The following PPP2R2B variants were observed in gnomAD, a reference collection of about 807,000 sequenced individuals.
PPP2R2B encodes the protein serine/threonine-protein phosphatase 2A 55 kDa regulatory subunit B beta isoform.
Under a neutral mutation model 46.0 loss-of-function variants are expected in PPP2R2B, and 5 were observed. That is an observed-to-expected ratio of 0.11 (90% CI 0.06 to 0.23). PPP2R2B has a LOEUF of 0.23. Ranked by LOEUF, PPP2R2B falls within the 10% of genes least tolerant of loss-of-function variation. The probability of loss-of-function intolerance (pLI) is 1.00; values close to 1 mark genes in which losing one functional copy is unlikely to be tolerated. For synonymous variants in PPP2R2B, 215 were observed against 206.7 expected, an observed-to-expected ratio of 1.04 and a Z score of -0.34; for missense variants, 367 against 575.0, an observed-to-expected ratio of 0.64 and a Z score of 3.70.
chr5:147,039,130 C>G (rs1219172133), intron 1 of PPP2R2B, among the ~76,000 whole-genome samples: 1 of 152,114 alleles, frequency 6.6e-6, no homozygotes, highest in East Asian at 1.9e-4. Flanking sequence ...CATTGCTGAC[C>G]CTTTCCCATC....
At chr5:146,728,877 T>A (rs1752048292) in intron 2 of PPP2R2B, among the ~76,000 whole-genome samples, 1 of 152,194 alleles carries the variant, frequency 6.6e-6, no homozygotes, top group Non-Finnish European at 1.5e-5. Context: ...AACCTCTTTT[T>A]ATTTCCAGTC....
rs1170382835 is a variant in PPP2R2B at position 146,874,455 on chromosome 5, A to T, written c.70+3547T>A. 2.0e-5 allele frequency among the ~76,000 whole-genome samples: 3 copies of T among 152,254 alleles called. No individual in the cohort carries two copies. The East Asian group carries it at 5.8e-4, about 29-fold the overall frequency. On this transcript the variant is annotated intron_variant, in intron 2 of 9. Coordinates refer to ENST00000394411, the MANE Select transcript of PPP2R2B (RefSeq NM_181675.4). Reference sequence around the variant, plus strand: ...TTGCCAGAATATAACCAGGAAGTACATTAAGTAACAATAACAGCTATAATG... The same window carrying T: ...TTGCCAGAATATAACCAGGAAGTACTTTAAGTAACAATAACAGCTATAATG...
rs543909444 is a variant in PPP2R2B at position 146,776,289 on chromosome 5, A to G, written c.71-75147T>C. ...TATATTAATCAAAATGATGTGGTAC[A>G]GGGATAACAACGGTTTTATATAACA... On this transcript the variant is annotated intron_variant, in intron 2 of 9. Coordinates refer to ENST00000394411, the MANE Select transcript of PPP2R2B (RefSeq NM_181675.4). 1.2e-3 allele frequency among the ~76,000 whole-genome samples: 179 copies of G among 152,262 alleles called. 2 individuals carry two copies. In the South Asian group the frequency reaches 0.034, roughly 29 times the overall value.
At chr5:146,683,186 G>A (rs58117040) in intron 5 of PPP2R2B, among the ~76,000 whole-genome samples, 12,505 of 151,988 alleles carry the variant, frequency 0.082, 750 homozygotes, top group East Asian at 0.24. Flanking sequence ...TTCCTACCCC[G>A]CCTTTTCCCA....
chr5:146,978,584 A>G (rs1473224018), intron 1 of PPP2R2B, among the ~76,000 whole-genome samples: 2 of 152,208 alleles, frequency 1.3e-5, no homozygotes, highest in African/African-American at 2.4e-5. Flanking sequence ...AGTTTTCTGC[A>G]TATGGCTAGA....
chr5:147,036,587 C>T (rs1756048837), intron 1 of PPP2R2B, among the ~76,000 whole-genome samples: 2 of 152,152 alleles, frequency 1.3e-5, no homozygotes, highest in Non-Finnish European at 2.9e-5. Flanking sequence ...TGAGGAATTG[C>T]CACACTGTCT....
chr5:146,600,783 A>AAGAT (rs1404101793), intron 7 of PPP2R2B, among the ~76,000 whole-genome samples: 3 of 152,188 alleles, frequency 2.0e-5, no homozygotes, highest in Non-Finnish European at 2.9e-5. Flanking sequence ...GAGTCATGTT[A>AAGAT]AGATAGTTAA....
At chr5:146,708,815 A>G (rs781554257) in intron 2 of PPP2R2B, among the ~76,000 whole-genome samples, 4 of 152,142 alleles carry the variant, frequency 2.6e-5, no homozygotes, top group Non-Finnish European at 4.4e-5. Context: ...AAATTCATCA[A>G]TACACTTTTG....
At chr5:147,030,507 C>T in intron 1 of PPP2R2B, among the ~76,000 whole-genome samples, 1 of 151,826 alleles carries the variant, frequency 6.6e-6, no homozygotes, top group East Asian at 1.9e-4. Flanking sequence ...CTAGAACTAG[C>T]CTTTAGCTTT....
chr5:146,738,201 C>T (rs1024197329), intron 2 of PPP2R2B, among the ~76,000 whole-genome samples: 7 of 151,756 alleles, frequency 4.6e-5, no homozygotes, highest in South Asian at 2.1e-4. Context: ...TCGAGACCAT[C>T]GTGGCTAACA....
upstream of PPP2R2B, among the ~76,000 whole-genome samples, chr5:147,059,114 C>T (rs1264146538): frequency 6.6e-6 from 1 of 152,158 alleles, no homozygotes; most frequent in African/African-American, 2.4e-5. Context: ...ATATATCAGG[C>T]TGAGTGATGG....
At chr5:146,983,405 C>A (rs1027222686) in intron 1 of PPP2R2B, among the ~76,000 whole-genome samples, 15 of 152,256 alleles carry the variant, frequency 9.9e-5, no homozygotes, top group South Asian at 2.1e-4. Flanking sequence ...TGGTCTTGAT[C>A]TCCTGACCTC....
At chr5:146,594,049 C>A (rs1218608092) in intron 8 of PPP2R2B, among the ~76,000 whole-genome samples, 1 of 152,082 alleles carries the variant, frequency 6.6e-6, no homozygotes, top group African/African-American at 2.4e-5. Flanking sequence ...AAACAGGAGT[C>A]AAAGATGACT....
At chr5:146,968,249 C>A (rs769024598) in intron 1 of PPP2R2B, among the ~76,000 whole-genome samples, 10 of 152,126 alleles carry the variant, frequency 6.6e-5, no homozygotes, top group Non-Finnish European at 1.5e-4. Context: ...AATAAATAGG[C>A]AGTGATGGTG....
chr5:146,644,801 T>C (rs1221821195), intron 6 of PPP2R2B, among the ~76,000 whole-genome samples: 3 of 152,240 alleles, frequency 2.0e-5, no homozygotes, highest in Non-Finnish European at 4.4e-5. Context: ...GGTTTTACAC[T>C]GGAGTGAATA....
intron 2 of PPP2R2B, among the ~76,000 whole-genome samples, chr5:146,865,982 G>A (rs1347699719): frequency 6.6e-6 from 1 of 152,138 alleles, no homozygotes; most frequent in African/African-American, 2.4e-5. Flanking sequence ...TTAGGTTCCC[G>A]GTACTCTTCT....
At chr5:146,697,863 A>G in intron 4 of PPP2R2B, 116 bp downstream of exon 4, 1 of 1,019,124 alleles carries the variant, frequency 9.8e-7, no homozygotes, top group South Asian at 1.9e-5. Flanking sequence ...TGCAAATGTT[A>G]TTTCTAAGTT....
chr5:146,840,320 G>A (rs185565212), intron 2 of PPP2R2B, among the ~76,000 whole-genome samples: 5 of 152,002 alleles, frequency 3.3e-5, no homozygotes, highest in African/African-American at 9.7e-5. Context: ...TTACCCCTTG[G>A]AATCTTTTTT....
At chr5:146,734,565 C>T (rs1264359024) in intron 2 of PPP2R2B, among the ~76,000 whole-genome samples, 1 of 152,150 alleles carries the variant, frequency 6.6e-6, no homozygotes, top group African/African-American at 2.4e-5. Context: ...TTCTGAACTG[C>T]TACATTACAG....
Sources: gnomAD v4.1 joint callset for allele counts (sites outside exome capture counted in the v4.1 genomes callset) on GRCh38, gnomAD v4.1.1 for gene constraint, MANE v1.5 for transcripts, NCBI Gene and HGNC (gene_info 2026-07-23, HGNC 2026-07-21) for gene names.